The following RORA variants were observed in gnomAD, a reference collection of about 807,000 sequenced individuals.
The protein encoded by RORA is nuclear receptor ROR-alpha.
RORA carries 7 observed loss-of-function variants against 69.5 expected under a neutral mutation model. That is an observed-to-expected ratio of 0.10 (90% CI 0.06 to 0.19). RORA has a LOEUF of 0.19. RORA is among the 10% of genes least tolerant of loss of function. RORA has a pLI of 1.00. For missense variants in RORA, 457 were observed against 663.0 expected (o/e 0.69, Z 3.41); for synonymous variants, 261 against 240.8 (o/e 1.08, Z -0.78).
chr15:61,062,963 T>C (rs1375531448), intron 1 of RORA, among the ~76,000 whole-genome samples: 1 of 152,226 alleles, frequency 6.6e-6, no homozygotes, highest in Non-Finnish European at 1.5e-5. Context: ...TGACAGAATT[T>C]ACACAGTTGG....
chr15:60,734,697 A>T (rs1345524696), intron 1 of RORA, among the ~76,000 whole-genome samples: 1 of 152,174 alleles, frequency 6.6e-6, no homozygotes, highest in African/African-American at 2.4e-5. Flanking sequence ...GATTTGAGAG[A>T]GATCCACACC....
chr15:60,775,828 CAT>C (rs2072157853), intron 1 of RORA, among the ~76,000 whole-genome samples: 1 of 152,196 alleles, frequency 6.6e-6, no homozygotes, highest in Non-Finnish European at 1.5e-5. Context: ...AAATTACTGA[CAT>C]AGAAGAATTG....
intron 1 of RORA, among the ~76,000 whole-genome samples, chr15:60,759,717 G>C (rs2071857529): frequency 6.6e-6 from 1 of 152,114 alleles, no homozygotes; most frequent in Non-Finnish European, 1.5e-5. Flanking sequence ...CGTGCCAAAT[G>C]ATGCCCTGTG....
rs571957085 is a variant in RORA at position 61,134,232 on chromosome 15, C to A, written c.166+94821G>T. Reference sequence around the variant, plus strand: ...AGCCTGAAAGTGCAGAATGGTCTGCCGGCTTATTGATGATCTAGAGTGTTC... The same window carrying A: ...AGCCTGAAAGTGCAGAATGGTCTGCAGGCTTATTGATGATCTAGAGTGTTC... On this transcript the variant is annotated intron_variant, in intron 1 of 10. Transcript: ENST00000335670. Among the ~76,000 whole-genome samples, 4 of 152,254 alleles carry A rather than the reference C, an allele frequency of 2.6e-5. No homozygotes were observed. The East Asian group carries it at 5.8e-4, about 22-fold the overall frequency.
At chr15:60,872,188 A>G (rs2073564429) in intron 1 of RORA, among the ~76,000 whole-genome samples, 1 of 152,164 alleles carries the variant, frequency 6.6e-6, no homozygotes, top group African/African-American at 2.4e-5. Context: ...TTAAGCTGTG[A>G]TCTTGCATTG....
intron 2 of RORA, among the ~76,000 whole-genome samples, chr15:60,578,635 T>C (rs756958767): frequency 1.4e-4 from 21 of 152,260 alleles, no homozygotes; most frequent in Middle Eastern, 3.4e-3. Flanking sequence ...CTTAGTAGTA[T>C]AAAGCAGAAG....
At chr15:60,793,806 T>A (rs1304997823) in intron 1 of RORA, among the ~76,000 whole-genome samples, 1 of 152,198 alleles carries the variant, frequency 6.6e-6, no homozygotes, top group Non-Finnish European at 1.5e-5. Flanking sequence ...CAAGGCTTAC[T>A]GGCCACCAAA....
chr15:61,085,824 T>G (rs1459047972), intron 1 of RORA, among the ~76,000 whole-genome samples: 1 of 152,238 alleles, frequency 6.6e-6, no homozygotes, highest in Non-Finnish European at 1.5e-5. Flanking sequence ...AGCATAGATA[T>G]GGAGTGAGGA....
At chr15:60,972,099 A>G (rs1384429825) in intron 1 of RORA, among the ~76,000 whole-genome samples, 1 of 152,204 alleles carries the variant, frequency 6.6e-6, no homozygotes, top group Non-Finnish European at 1.5e-5. Context: ...AGAAAATAAA[A>G]ATGGTGCCAC....
intron 1 of RORA, among the ~76,000 whole-genome samples, chr15:60,898,535 A>ATAAG (rs1322561163): frequency 1.3e-5 from 2 of 151,210 alleles, no homozygotes; most frequent in Non-Finnish European, 1.5e-5. Flanking sequence ...AAATAAATAA[A>ATAAG]TAAATAAATT....
At chr15:61,188,825 T>C (rs939363344) in intron 1 of RORA, among the ~76,000 whole-genome samples, 1 of 152,114 alleles carries the variant, frequency 6.6e-6, no homozygotes, top group Non-Finnish European at 1.5e-5. Context: ...AGAGATTCCC[T>C]CAAGGAGCTC....
chr15:60,514,501 G>A (rs1000724535), intron 4 of RORA, 115 bp downstream of exon 4: 4 of 1,000,896 alleles, frequency 4.0e-6, no homozygotes, highest in Admixed American at 3.9e-5. Context: ...CGGGGCGTAA[G>A]GTGGAATAAT....
intron 1 of RORA, among the ~76,000 whole-genome samples, chr15:61,193,287 A>G (rs2079817948): frequency 6.6e-6 from 1 of 152,242 alleles, no homozygotes; most frequent in African/African-American, 2.4e-5. Flanking sequence ...GTGTTCCACA[A>G]GAATAGGCAC....
chr15:60,978,961 C>CTTTTTTTTTTTTTTTTTTTTT lies in RORA; in HGVS notation c.166+250091_166+250092insAAAAAAAAAAAAAAAAAAAAA, dbSNP rs543353825. On this transcript the variant is annotated intron_variant, in intron 1 of 10. Coordinates refer to ENST00000335670, the MANE Select transcript of RORA (RefSeq NM_134261.3). ...GAAGTGTGAGTCCTCCAACTTTGCT[C>CTTTTTTTTTTTTTTTTTTTTT]TTTTTTTTTTTTTTTTTTGAGACGG... Among the ~76,000 whole-genome samples the CTTTTTTTTTTTTTTTTTTTTT allele has an allele frequency of 6.3e-5, 6 of 95,138 alleles. 2 individuals carry two copies. Among genetic ancestry groups the CTTTTTTTTTTTTTTTTTTTTT allele is most frequent in the Admixed American group, 3.1e-4 (2 of 6,528 alleles). 62.4% of individuals were successfully genotyped at this position (95,138 alleles called of 152,430 possible). A position where few individuals can be genotyped will look rare whatever the true frequency, so the allele number is the denominator to read the frequency against.
In RORA at chr15:60,537,613, T is replaced by TGGGTATGTTCCATAGCAC. The variant is rs1015116487; in HGVS notation, c.197-5780_197-5763dup. ...TGGACCTGTGGCTTGGAATAGAGTA[T>TGGGTATGTTCCATAGCAC]GGGTATGTTCCATAGCACAGGCATG... On this transcript the variant is annotated intron_variant, in intron 2 of 10. Transcript: ENST00000335670. The surrounding 1 kb of genome is among the most constrained non-coding windows in gnomAD (Gnocchi z 4.9). Among the ~76,000 whole-genome samples the TGGGTATGTTCCATAGCAC allele has an allele frequency of 1.3e-5, 2 of 152,140 alleles. No individual in the cohort carries two copies. Among genetic ancestry groups the TGGGTATGTTCCATAGCAC allele is most frequent in the African/African-American group, 4.8e-5 (2 of 41,422 alleles).
At chr15:61,181,271 T>C (rs964324843) in intron 1 of RORA, 11 of 152,148 alleles carry the variant, frequency 7.2e-5, no homozygotes, top group Non-Finnish European at 1.2e-4. Flanking sequence ...TCTTAACATG[T>C]TTGAGAATGA....
intron 1 of RORA, among the ~76,000 whole-genome samples, chr15:60,960,791 C>CA (rs1297265826): frequency 3.9e-5 from 6 of 152,220 alleles, no homozygotes; most frequent in Admixed American, 6.5e-5. Context: ...TAGACTGTTT[C>CA]ACTCTTTGGT....
rs150807271 is a variant in RORA at position 61,135,818 on chromosome 15, C to G, written c.166+93235G>C. On this transcript the variant is annotated intron_variant, in intron 1 of 10. Transcript: ENST00000335670. ...GACAGCCAAACCACACATGGTCTCACATTAAACAAGAGAGAGCCAAATAAG... is the reference window on the plus strand; with the variant it reads ...GACAGCCAAACCACACATGGTCTCAGATTAAACAAGAGAGAGCCAAATAAG... 7.0e-3 allele frequency among the ~76,000 whole-genome samples: 1,063 copies of G among 152,282 alleles called. 18 individuals are homozygous for G. Among genetic ancestry groups the G allele is most frequent in the African/African-American group, 0.024 (1,002 of 41,546 alleles).
chr15:61,009,955 C>T (rs1206736720), intron 1 of RORA, among the ~76,000 whole-genome samples: 2 of 152,176 alleles, frequency 1.3e-5, no homozygotes, highest in Non-Finnish European at 2.9e-5. Context: ...ATTCTCTGAA[C>T]ATGAAAATGA....
Sources: gnomAD v4.1 joint callset for allele counts (sites outside exome capture counted in the v4.1 genomes callset) on GRCh38, gnomAD v4.1.1 for gene constraint, Gnocchi (gnomAD v3.1) non-coding constraint, MANE v1.5 for transcripts, NCBI Gene and HGNC (gene_info 2026-07-23, HGNC 2026-07-21) for gene names.